The following CLDN14 variants were observed in gnomAD, a reference collection of about 807,000 sequenced individuals.
CLDN14 encodes claudin-14.
CLDN14 carries 2 observed loss-of-function variants against 2.1 expected under a neutral mutation model. The observed-to-expected ratio is 0.96, with a 90% CI of 0.39 to 3.01. The LOEUF (loss-of-function observed/expected upper bound fraction) is 3.01, where lower values mean the gene tolerates loss of function less well. Among genes scored for constraint, CLDN14 ranks in the 30% most tolerant of loss-of-function variants. The pLI is 0.09. For synonymous variants in CLDN14, 136 were observed against 154.4 expected (o/e 0.88, Z 0.88); for missense variants, 298 against 328.0 (o/e 0.91, Z 0.71).
At chr21:36,519,362 G>A (rs1265843079) in intron 1 of CLDN14, among the ~76,000 whole-genome samples, 3 of 152,150 alleles carry the variant, frequency 2.0e-5, no homozygotes, top group Non-Finnish European at 4.4e-5. Context: ...TGGGTGGATC[G>A]CTTGAGGTTA....
intron 1 of CLDN14, among the ~76,000 whole-genome samples, chr21:36,554,449 G>A (rs2087584487): frequency 6.6e-6 from 1 of 152,206 alleles, no homozygotes; most frequent in Admixed American, 6.5e-5. Flanking sequence ...GTGCGTAACA[G>A]CCATCACAGG....
At chr21:36,545,298 G>A (rs2087519423) in intron 1 of CLDN14, among the ~76,000 whole-genome samples, 1 of 152,218 alleles carries the variant, frequency 6.6e-6, no homozygotes, top group African/African-American at 2.4e-5. Context: ...CCATTCTTGG[G>A]TTGGGTGAGG....
At chr21:36,479,242 C>G (rs1353955820) in intron 1 of CLDN14, among the ~76,000 whole-genome samples, 1 of 152,182 alleles carries the variant, frequency 6.6e-6, no homozygotes, top group African/African-American at 2.4e-5. Flanking sequence ...CACTCAGGAA[C>G]TGGATTATTG....
intron 1 of CLDN14, among the ~76,000 whole-genome samples, chr21:36,554,778 G>T (rs941008535): frequency 2.6e-5 from 4 of 152,148 alleles, no homozygotes; most frequent in Admixed American, 6.5e-5. Flanking sequence ...GATGCCACGG[G>T]ATGTGTTATC....
intron 1 of CLDN14, among the ~76,000 whole-genome samples, chr21:36,570,758 T>G (rs759339425): frequency 2.0e-5 from 3 of 152,354 alleles, no homozygotes; most frequent in Non-Finnish European, 4.4e-5. Context: ...TCTGTGTGTT[T>G]AAATTTTTTT....
upstream of CLDN14, among the ~76,000 whole-genome samples, chr21:36,482,354 ATGGATGGATAGACT>A (rs1307613709): frequency 6.7e-6 from 1 of 149,016 alleles, no homozygotes; most frequent in African/African-American, 2.5e-5. Context: ...GGATGGATGG[ATGGATGGATAGACT>A]GACGGATGGA....
upstream of CLDN14, among the ~76,000 whole-genome samples, chr21:36,483,690 G>A (rs956113615): frequency 1.6e-4 from 25 of 152,218 alleles, no homozygotes; most frequent in African/African-American, 5.8e-4. Flanking sequence ...TGAGTTGATG[G>A]ATGCAAAGTG....
chr21:36,567,598 A>G (rs962607827), intron 1 of CLDN14, among the ~76,000 whole-genome samples: 6 of 152,204 alleles, frequency 3.9e-5, no homozygotes, highest in African/African-American at 7.2e-5. Context: ...CTTTATTACA[A>G]TGCTCTTGGT....
chr21:36,499,578 C>T lies in CLDN14; in HGVS notation c.-82+10785G>A, dbSNP rs1601613116. Among the ~76,000 whole-genome samples the T allele has an allele frequency of 6.6e-6, 1 of 152,140 alleles. No homozygotes were observed. On this transcript the variant is annotated intron_variant, in intron 2 of 2. Coordinates refer to the CLDN14 transcript ENST00000342108. The surrounding 1 kb of genome is among the most constrained non-coding windows in gnomAD (Gnocchi z 4.7). ...CAATGTCCGTACCAGGGCCCCAACCCAGACCTACCGAATCAGAATTTCAGG... is the reference window on the plus strand; with the variant it reads ...CAATGTCCGTACCAGGGCCCCAACCTAGACCTACCGAATCAGAATTTCAGG...
In CLDN14 at chr21:36,498,145, C is replaced by T. The variant is rs1488717528; in HGVS notation, c.-82+12218G>A. 6.6e-6 allele frequency among the ~76,000 whole-genome samples: 1 copy of T among 152,058 alleles called. No individual in the cohort carries two copies. The highest frequency in any genetic ancestry group is 1.5e-5 in the Non-Finnish European group (1 of 68,018). The stretch of plus-strand genomic sequence containing the variant: ...CCTCATGAGTAGCTGGGATTACAGG[C>T]ACCCACCACCATGCCCAGCTAATTT... On this transcript the variant is annotated intron_variant, in intron 2 of 2. Transcript: ENST00000342108. The surrounding 1 kb of genome is among the most constrained non-coding windows in gnomAD (Gnocchi z 4.9).
In CLDN14 at chr21:36,512,033, G is replaced by T. The variant is rs545581006; in HGVS notation, c.-219-1533C>A. On this transcript the variant is annotated intron_variant, in intron 1 of 2. Transcript: ENST00000342108. ...GAATACCATTAGTAGCCCTTGAAAT[G>T]GATCTCCAGGAAGTGCTGACTGTTA... 3.3e-5 allele frequency among the ~76,000 whole-genome samples: 5 copies of T among 152,310 alleles called. No individual in the cohort carries two copies. The East Asian group carries it at 5.8e-4, about 18-fold the overall frequency.
In CLDN14 at chr21:36,460,910, C is replaced by T. The variant is rs369966830; in HGVS notation, c.*66G>A. 3.9e-5 allele frequency: 61 copies of T among 1,565,052 alleles called. No homozygotes were observed. The African/African-American group carries it at 6.2e-4, about 16-fold the overall frequency. Reference sequence around the variant, plus strand: ...GTAAACTTTGTGCTGGAACCCCTGCCTCCATTGACAGTCCCGCCGGGGACC... The same window carrying T: ...GTAAACTTTGTGCTGGAACCCCTGCTTCCATTGACAGTCCCGCCGGGGACC... On this transcript the variant is annotated 3_prime_UTR_variant, in exon 2 of 2. Coordinates refer to ENST00000399135, the MANE Select transcript of CLDN14 (RefSeq NM_001146079.2). This position sits in a 1 kb window ranked among gnomAD's most constrained non-coding sequence, Gnocchi z 4.0.
intron 1 of CLDN14, among the ~76,000 whole-genome samples, chr21:36,472,909 G>A (rs544676150): frequency 6.6e-6 from 1 of 152,208 alleles, no homozygotes; most frequent in South Asian, 2.1e-4. Context: ...CTATCACATC[G>A]GGGCTTAGGG....
chr21:36,515,994 G>C (rs1216511013), intron 1 of CLDN14, among the ~76,000 whole-genome samples: 2 of 151,696 alleles, frequency 1.3e-5, no homozygotes, highest in East Asian at 3.9e-4. Flanking sequence ...CACCATGTTG[G>C]CCAGGCTGGT....
At chr21:36,563,461 A>C (rs922676029) in intron 1 of CLDN14, among the ~76,000 whole-genome samples, 1 of 152,092 alleles carries the variant, frequency 6.6e-6, no homozygotes, top group African/African-American at 2.4e-5. Context: ...TGCTGTAAAC[A>C]TGGGTCTGAG....
intron 1 of CLDN14, among the ~76,000 whole-genome samples, chr21:36,476,505 C>T (rs1041580406): frequency 6.0e-5 from 9 of 151,098 alleles, no homozygotes; most frequent in African/African-American, 1.7e-4. Flanking sequence ...CAGGCCGGAG[C>T]GCGGTGGTGC....
At chr21:36,509,837 G>T (rs570471082) in intron 2 of CLDN14, among the ~76,000 whole-genome samples, 1 of 151,988 alleles carries the variant, frequency 6.6e-6, no homozygotes, top group Non-Finnish European at 1.5e-5. Flanking sequence ...CTCGTAATCC[G>T]CCCACCTCAG....
intron 1 of CLDN14, among the ~76,000 whole-genome samples, chr21:36,533,467 G>A (rs1436319207): frequency 2.0e-5 from 3 of 152,298 alleles, no homozygotes; most frequent in East Asian, 1.9e-4. Flanking sequence ...GTCCAGCATC[G>A]AGAGTTTAAA....
chr21:36,522,963 G>A (rs186701294), intron 1 of CLDN14, among the ~76,000 whole-genome samples: 10 of 152,244 alleles, frequency 6.6e-5, no homozygotes, highest in Admixed American at 5.2e-4. Flanking sequence ...GGGGAGAAGA[G>A]GTGGCCCACA....
Sources: gnomAD v4.1 joint callset for allele counts (sites outside exome capture counted in the v4.1 genomes callset) on GRCh38, gnomAD v4.1.1 for gene constraint, Gnocchi (gnomAD v3.1) non-coding constraint, MANE v1.5 for transcripts, NCBI Gene and HGNC (gene_info 2026-07-23, HGNC 2026-07-21) for gene names.